Variants in NME5 observed in about 807,000 individuals in gnomAD.
NME5 encodes nucleoside diphosphate kinase 5.
In NME5, 18 loss-of-function variants were observed where a neutral mutation model predicts 21.6. The ratio of observed to expected loss-of-function variants is 0.83; its 90% confidence interval spans 0.58 to 1.24. NME5 has a LOEUF of 1.24. Ranked by LOEUF, NME5 falls within the 50% of genes most tolerant of loss-of-function variation. The pLI, the probability that NME5 is intolerant of heterozygous loss-of-function variation, is 0.00. For synonymous variants in NME5, 70 were observed against 80.6 expected (o/e 0.87, Z 0.71); for missense variants, 223 against 255.4 (o/e 0.87, Z 0.86).
Position 138,117,914 on chromosome 5 carries a change from G to T in NME5, c.555+904C>A, listed in dbSNP as rs572697119. ...CAGGAGAATCACTTGAACCTGGGGG[G>T]CGGAGGTTGCAGTGAGCCCAGATTG... On this transcript the variant is annotated intron_variant, in intron 5 of 5. Coordinates refer to ENST00000265191, the MANE Select transcript of NME5 (RefSeq NM_003551.3). Among the ~76,000 whole-genome samples, 29 of 151,998 alleles carry T rather than the reference G, an allele frequency of 1.9e-4. No individual in the cohort carries two copies. The East Asian group carries it at 5.5e-3, about 29-fold the overall frequency.
chr5:138,138,678 G>A lies in NME5; in HGVS notation c.103C>T (p.Leu35Phe). Residue 35 changes from leucine (L) to phenylalanine (F), a missense_variant, in exon 2 of 6, where the codon CTT becomes TTT. Coordinates refer to ENST00000265191, the MANE Select transcript of NME5 (RefSeq NM_003551.3). Reference protein sequence around the residue: ...DKEEEIQDIILRSGFTIVQRR... With the variant: ...DKEEEIQDIIFRSGFTIVQRR... Reference sequence around the variant, plus strand: ...TGAACAATGGTGAATCCGGATCTAAGAATAATATCTTGTATCTCCTCCTCT... The same window carrying A: ...TGAACAATGGTGAATCCGGATCTAAAAATAATATCTTGTATCTCCTCCTCT... The A allele has an allele frequency of 6.2e-7, 1 of 1,612,158 alleles. No individual in the cohort carries two copies. The highest frequency in any genetic ancestry group is 8.5e-7 in the Non-Finnish European group (1 of 1,179,476).
chr5:138,126,510 C>CAAAA (rs57938582), intron 4 of NME5, among the ~76,000 whole-genome samples: 102 of 54,154 alleles, frequency 1.9e-3, no homozygotes, highest in Non-Finnish European at 2.2e-3. Flanking sequence ...GAATCTATCT[C>CAAAA]AAAAAAAAAA....
At chr5:138,120,227 G>GTTTTTTTTTTTTTTTTTTTTTTTT (rs1561586403) in intron 4 of NME5, among the ~76,000 whole-genome samples, 1 of 118,044 alleles carries the variant, frequency 8.5e-6, no homozygotes. Flanking sequence ...ACTGCTCCCA[G>GTTTTTTTTTTTTTTTTTTTTTTTT]CTCTTTTTTT....
At chr5:138,136,670 T>C (rs939414878) in intron 2 of NME5, among the ~76,000 whole-genome samples, 3 of 152,042 alleles carry the variant, frequency 2.0e-5, no homozygotes, top group Non-Finnish European at 4.4e-5. Context: ...TTTCGAGAGT[T>C]TCGCTCTTGT....
At chr5:138,119,610 C>G (rs1751238068) in intron 4 of NME5, among the ~76,000 whole-genome samples, 1 of 152,096 alleles carries the variant, frequency 6.6e-6, no homozygotes, top group Non-Finnish European at 1.5e-5. Flanking sequence ...GCTGAGATTA[C>G]AGGCATGAGC....
chr5:138,129,552 G>T (rs76639778), intron 2 of NME5, 84 bp from the exon 3 acceptor site: 15 of 860,612 alleles, frequency 1.7e-5, no homozygotes, highest in Non-Finnish European at 2.5e-5. Flanking sequence ...CTTGAAACTA[G>T]TACCAATCTG....
chr5:138,122,799 T>G (rs1308239770), intron 4 of NME5, among the ~76,000 whole-genome samples: 1 of 151,828 alleles, frequency 6.6e-6, no homozygotes, highest in Non-Finnish European at 1.5e-5. Context: ...TGCCTCAGCC[T>G]CCTGAGTAGC....
Position 138,115,621 on chromosome 5 carries a change from T to C in NME5, c.*60A>G. 9.7e-7 allele frequency: 1 copy of C among 1,028,010 alleles called. No individual in the cohort carries two copies. The highest frequency in any genetic ancestry group is 1.4e-6 in the Non-Finnish European group (1 of 708,184). The allele number at this position is 1,028,010 out of a possible 1,614,324, so 63.7% of individuals were successfully genotyped here. A position where few individuals can be genotyped will look rare whatever the true frequency, so the allele number is the denominator to read the frequency against. On this transcript the variant is annotated 3_prime_UTR_variant, in exon 6 of 6. Transcript: ENST00000265191. ...CCCTAGAAATAATTTTTTCAAACAG[T>C]AGAAGTACAGCCTTTTATAATAAGA...
At position 138,117,277 on chromosome 5, in the gene NME5, C is replaced by T. The variant is rs140520433; in HGVS notation, c.556-1513G>A. 9.6e-3 allele frequency among the ~76,000 whole-genome samples: 1,430 copies of T among 148,430 alleles called. 12 individuals are homozygous for T. The highest frequency in any genetic ancestry group is 0.016 in the Non-Finnish European group (1,106 of 67,266). On this transcript the variant is annotated intron_variant, in intron 5 of 5. Transcript: ENST00000265191. ...AACATAAAACACAGGGGTAAATTTT[C>T]ATGACCTTGGATTTGGATTTCACAA...
chr5:138,136,558 T>C (rs922132488), intron 2 of NME5, among the ~76,000 whole-genome samples: 1 of 152,144 alleles, frequency 6.6e-6, no homozygotes, highest in African/African-American at 2.4e-5. Context: ...TGCAAATCTT[T>C]TTCCCAAGTT....
At chr5:138,122,018 A>G (rs556842168) in intron 4 of NME5, among the ~76,000 whole-genome samples, 1 of 152,152 alleles carries the variant, frequency 6.6e-6, no homozygotes, top group Non-Finnish European at 1.5e-5. Context: ...ATTTAGAAAG[A>G]ATTGCCATCT....
chr5:138,122,341 G>A (rs1751302642), intron 4 of NME5, among the ~76,000 whole-genome samples: 2 of 148,548 alleles, frequency 1.3e-5, no homozygotes, highest in Admixed American at 6.8e-5. Flanking sequence ...TCGGGAGGCT[G>A]AAGCAGGAGA....
At chr5:138,129,680 G>T (rs187738267) in intron 2 of NME5, among the ~76,000 whole-genome samples, 1 of 152,142 alleles carries the variant, frequency 6.6e-6, no homozygotes, top group Non-Finnish European at 1.5e-5. Context: ...AATTATGGCC[G>T]GGTGCGGTGG....
At chr5:138,124,428 T>C (rs1402172207) in intron 4 of NME5, among the ~76,000 whole-genome samples, 2 of 152,132 alleles carry the variant, frequency 1.3e-5, no homozygotes, top group Non-Finnish European at 2.9e-5. Flanking sequence ...TTTGTAAGAG[T>C]TCCTTATATA....
chr5:138,130,486 C>T (rs1042988389), intron 2 of NME5, among the ~76,000 whole-genome samples: 5 of 152,242 alleles, frequency 3.3e-5, no homozygotes, highest in Admixed American at 6.5e-5. Context: ...TCTTGATTCA[C>T]TGTAACATTA....
intron 5 of NME5, among the ~76,000 whole-genome samples, chr5:138,118,325 C>G (rs535560243): frequency 6.6e-6 from 1 of 151,616 alleles, no homozygotes; most frequent in South Asian, 2.1e-4. Flanking sequence ...TGGGGTTTCA[C>G]CGTGTTAGCC....
chr5:138,135,275 G>A (rs1457866753), intron 2 of NME5, among the ~76,000 whole-genome samples: 4 of 141,990 alleles, frequency 2.8e-5, no homozygotes, highest in African/African-American at 5.2e-5. Flanking sequence ...CCGAGATTGC[G>A]CCACTGCACT....
At chr5:138,121,680 G>A (rs569133551) in intron 4 of NME5, among the ~76,000 whole-genome samples, 12 of 152,032 alleles carry the variant, frequency 7.9e-5, no homozygotes, top group African/African-American at 1.4e-4. Flanking sequence ...CTGTCATACC[G>A]TCTTATAATT....
intron 2 of NME5, among the ~76,000 whole-genome samples, chr5:138,135,933 T>G (rs1351108556): frequency 6.6e-6 from 1 of 152,182 alleles, no homozygotes; most frequent in African/African-American, 2.4e-5. Context: ...GATTTTGTGT[T>G]TTTTTTGCTA....
Sources: allele counts gnomAD v4.1 joint callset (sites outside exome capture counted in the v4.1 genomes callset), GRCh38; gene constraint gnomAD v4.1.1; transcripts MANE v1.5; gene names NCBI Gene and HGNC (gene_info 2026-07-23, HGNC 2026-07-21).